The following FER variants were observed in gnomAD, a reference collection of about 807,000 sequenced individuals.
FER encodes tyrosine-protein kinase Fer.
Under a neutral mutation model 111.0 loss-of-function variants are expected in FER, and 63 were observed. The observed-to-expected ratio is 0.57, with a 90% CI of 0.46 to 0.70. The LOEUF (loss-of-function observed/expected upper bound fraction) is 0.70, where lower values mean the gene tolerates loss of function less well. Among genes scored for constraint, FER ranks in the 30% least tolerant of loss-of-function variants. The probability of loss-of-function intolerance (pLI) is 0.00; values close to 1 mark genes in which losing one functional copy is unlikely to be tolerated. For synonymous variants in FER, 327 were observed against 313.9 expected (o/e 1.04, Z -0.44); for missense variants, 914 against 954.0 (o/e 0.96, Z 0.55).
At chr5:109,182,129 A>T (rs760685885) in intron 18 of FER, among the ~76,000 whole-genome samples, 2 of 152,158 alleles carry the variant, frequency 1.3e-5, no homozygotes, top group Non-Finnish European at 2.9e-5. Flanking sequence ...ATATACAACC[A>T]TTTATTTATC....
chr5:109,008,826 C>G (rs1376152283), intron 13 of FER, among the ~76,000 whole-genome samples: 1 of 151,874 alleles, frequency 6.6e-6, no homozygotes, highest in African/African-American at 2.4e-5. Flanking sequence ...CAAAATTAAC[C>G]AGGCATGGTG....
intron 6 of FER, among the ~76,000 whole-genome samples, 180 bp from the exon 7 acceptor site, chr5:108,871,185 C>G (rs1425135229): frequency 6.6e-6 from 1 of 152,014 alleles, no homozygotes; most frequent in South Asian, 2.1e-4. Flanking sequence ...AATTGCTAAT[C>G]TGTACATTTA....
intron 17 of FER, among the ~76,000 whole-genome samples, chr5:109,134,016 G>A (rs1355922778): frequency 6.6e-6 from 1 of 151,820 alleles, no homozygotes; most frequent in Admixed American, 6.6e-5. Context: ...CTCTTCCTAA[G>A]TTGTGATGAT....
At position 109,102,600 on chromosome 5, in the gene FER, TTTG is replaced by T. The variant is rs1416974422; in HGVS notation, c.2048+2084_2048+2086del. Among the ~76,000 whole-genome samples the T allele has an allele frequency of 5.3e-5, 8 of 152,316 alleles. No individual in the cohort carries two copies. In the East Asian group the frequency reaches 1.5e-3, roughly 29 times the overall value. ...AATACTTTTCTGACATTTAAAAATG[TTTG>T]TTATGACTTTTCCTTACTAGCAACA... is the stretch of plus-strand genomic sequence containing the variant. On this transcript the variant is annotated intron_variant, in intron 17 of 19. Coordinates refer to ENST00000281092, the MANE Select transcript of FER (RefSeq NM_005246.4).
chr5:109,128,594 GC>G (rs1752009458), intron 17 of FER, among the ~76,000 whole-genome samples: 1 of 152,084 alleles, frequency 6.6e-6, no homozygotes, highest in Admixed American at 6.6e-5. Flanking sequence ...ATGTGTTTAA[GC>G]CCCAGTGTAG....
intron 16 of FER, among the ~76,000 whole-genome samples, chr5:109,073,834 G>C (rs1157480664): frequency 6.6e-6 from 1 of 151,572 alleles, no homozygotes; most frequent in African/African-American, 2.4e-5. Context: ...GTTGTTCAAG[G>C]GTCAACTATA....
intron 1 of FER, among the ~76,000 whole-genome samples, chr5:108,755,077 C>G (rs973884909): frequency 2.0e-5 from 3 of 152,126 alleles, no homozygotes; most frequent in Admixed American, 1.3e-4. Flanking sequence ...CCTTCAGACC[C>G]GTACAATCCG....
intron 16 of FER, among the ~76,000 whole-genome samples, chr5:109,048,214 T>G (rs1340700487): frequency 2.0e-5 from 3 of 152,192 alleles, no homozygotes; most frequent in African/African-American, 7.2e-5. Context: ...TTATTGGTCC[T>G]GTTTTGTTAT....
intron 13 of FER, among the ~76,000 whole-genome samples, chr5:109,010,071 A>G (rs1437495639): frequency 6.6e-6 from 1 of 152,244 alleles, no homozygotes; most frequent in Non-Finnish European, 1.5e-5. Context: ...CATTTCAAAG[A>G]GGTACCTGTA....
chr5:109,079,108 G>A lies in FER; in HGVS notation c.1925-21288G>A, dbSNP rs190724324. Among the ~76,000 whole-genome samples the A allele has an allele frequency of 3.5e-5, 5 of 143,838 alleles. No individual in the cohort carries two copies. The East Asian group carries it at 9.6e-4, about 28-fold the overall frequency. The allele number at this position is 143,838 out of a possible 152,430, so 94.4% of individuals were successfully genotyped here. A position where few individuals can be genotyped will look rare whatever the true frequency, so the allele number is the denominator to read the frequency against. ...AGATGAATTTGTATACATTCTCCTT[G>A]TTTATTTTTTTCTAGTGGTAATGTT... On this transcript the variant is annotated intron_variant, in intron 16 of 19. Coordinates refer to ENST00000281092, the MANE Select transcript of FER (RefSeq NM_005246.4).
At chr5:108,953,063 CTAAT>C (rs1418319963) in intron 11 of FER, among the ~76,000 whole-genome samples, 3 of 151,852 alleles carry the variant, frequency 2.0e-5, no homozygotes, top group Admixed American at 6.6e-5. Context: ...AGAATTTACT[CTAAT>C]TAGATGCACT....
chr5:108,999,016 A>G (rs187493364), intron 13 of FER, among the ~76,000 whole-genome samples: 1 of 152,290 alleles, frequency 6.6e-6, no homozygotes, highest in East Asian at 1.9e-4. Context: ...TAAACTAGTA[A>G]ATACCCATAT....
intron 19 of FER, among the ~76,000 whole-genome samples, 168 bp downstream of exon 19, chr5:109,186,490 A>G (rs541273350): frequency 9.9e-5 from 15 of 152,196 alleles, no homozygotes; most frequent in African/African-American, 3.4e-4. Context: ...TCTTTATCCA[A>G]ACACTTTGAA....
chr5:108,911,065 T>TC (rs1281993208), intron 10 of FER, among the ~76,000 whole-genome samples: 1 of 152,284 alleles, frequency 6.6e-6, no homozygotes. Context: ...CCATAGAAGT[T>TC]TAACTAATTT....
chr5:109,145,654 T>G (rs144571835), intron 17 of FER, among the ~76,000 whole-genome samples: 15 of 152,156 alleles, frequency 9.9e-5, no homozygotes, highest in Admixed American at 7.2e-4. Context: ...TAAAGAAATG[T>G]TTTTTAAAAA....
At chr5:109,058,952 C>T (rs563296577) in intron 16 of FER, among the ~76,000 whole-genome samples, 1 of 151,588 alleles carries the variant, frequency 6.6e-6, no homozygotes, top group Non-Finnish European at 1.5e-5. Context: ...GTTGGTCAGG[C>T]TGGTCTCGAA....
At chr5:109,167,201 T>C (rs964619339) in intron 17 of FER, among the ~76,000 whole-genome samples, 2 of 152,196 alleles carry the variant, frequency 1.3e-5, no homozygotes, top group African/African-American at 4.8e-5. Flanking sequence ...GTGTGCCAGC[T>C]GGTTGATACG....
intron 17 of FER, among the ~76,000 whole-genome samples, chr5:109,166,615 G>A (rs896105109): frequency 1.3e-5 from 2 of 152,164 alleles, no homozygotes; most frequent in African/African-American, 4.8e-5. Flanking sequence ...ACACACAACT[G>A]TTTATTTCTT....
At chr5:109,122,717 A>T (rs946277651) in intron 17 of FER, among the ~76,000 whole-genome samples, 1 of 152,140 alleles carries the variant, frequency 6.6e-6, no homozygotes, top group Admixed American at 6.5e-5. Flanking sequence ...TTTAGCCCTA[A>T]TAATATTTGC....
Sources: gnomAD v4.1 joint callset for allele counts (sites outside exome capture counted in the v4.1 genomes callset) on GRCh38, gnomAD v4.1.1 for gene constraint, MANE v1.5 for transcripts, NCBI Gene and HGNC (gene_info 2026-07-23, HGNC 2026-07-21) for gene names.